MYH3: variants seen among roughly 807,000 people sequenced by gnomAD.
MYH3 encodes the protein myosin heavy chain 3.
MYH3 carries 130 observed loss-of-function variants against 238.0 expected under a neutral mutation model. The ratio of observed to expected loss-of-function variants is 0.55; its 90% confidence interval spans 0.47 to 0.63. The LOEUF is 0.63. MYH3 is among the 30% of genes least tolerant of loss of function. The pLI, the probability that MYH3 is intolerant of heterozygous loss-of-function variation, is 0.00. For missense variants in MYH3, 1,853 were observed against 2,374.9 expected, an observed-to-expected ratio of 0.78 and a Z score of 4.57; for synonymous variants, 880 against 924.1, an observed-to-expected ratio of 0.95 and a Z score of 0.86.
rs1253380402 is a variant in MYH3, at chr17:10,654,319, C to T, written c.204+542G>A. 6.6e-6 allele frequency among the ~76,000 whole-genome samples: 1 copy of T among 151,998 alleles called. No individual in the cohort carries two copies. Among genetic ancestry groups the T allele is most frequent in the East Asian group, 1.9e-4 (1 of 5,166 alleles). ...GATGTGGATTTTAGAAACTAGTGAG[C>T]TCCAGAATTCCTCGCAGCACCCCCA... On this transcript the variant is annotated intron_variant, in intron 3 of 40. Transcript: ENST00000583535. This position sits in a 1 kb window ranked among gnomAD's most constrained non-coding sequence, Gnocchi z 4.5.
Position 10,640,672 on chromosome 17 carries a change from T to C in MYH3, c.2180A>G (p.Asn727Ser). ...TTGTCCCTCAGGGATTGCACTGGCA[T>C]TCAGCACTCGGTATCTGCATTGTAG... ...GDFKQRYRVL[N>S]ASAIPEGQFI... Residue 727 changes from asparagine to serine, a missense_variant, in exon 20 of 41, where the codon AAT (asparagine) becomes AGT (serine). This residue lies in a region of MYH3 where 678 missense variants were observed against 1,058.9 expected (regional missense o/e 0.64). Transcript: ENST00000583535. 6.2e-7 allele frequency: 1 copy of C among 1,614,222 alleles called. No individual in the cohort carries two copies. The highest frequency in any genetic ancestry group is 8.5e-7 in the Non-Finnish European group (1 of 1,180,036).
chr17:10,673,442 C>G, the MYH3 span: 3 of 152,248 alleles, frequency 2.0e-5, no homozygotes, highest in Admixed American at 6.5e-5. Context: ...GAGGCTGGTA[C>G]AGGGAAAAGT....
chr17:10,644,594 G>A lies in MYH3; in HGVS notation c.1250C>T (p.Thr417Ile), dbSNP rs979586656. The A allele has an allele frequency of 1.9e-6, 3 of 1,614,056 alleles. No homozygotes were observed. Among genetic ancestry groups the A allele is most frequent in the Non-Finnish European group, 2.5e-6 (3 of 1,179,860 alleles). The change falls in exon 13 of 41, where the codon ACT (threonine) becomes ATT (isoleucine). Residue 417 changes from threonine to isoleucine, a missense_variant. Thr to Ile is a moderately conservative substitution (Grantham distance 89). Coordinates refer to ENST00000583535, the MANE Select transcript of MYH3 (RefSeq NM_002470.4). ...CCTTGAAGCTGTTACCTGATCCACA[G>A]TTTGACCTTTGGTAACGTACTCATT... Reference protein sequence around the residue: ...VGNEYVTKGQTVDQVHHAVNA... With the variant: ...VGNEYVTKGQIVDQVHHAVNA...
Position 10,631,843 on chromosome 17 carries a change from G to A in MYH3, c.5130C>T (p.Ser1710=), listed in dbSNP as rs373468193. 9.9e-6 allele frequency: 16 copies of A among 1,614,018 alleles called. No homozygotes were observed. Among genetic ancestry groups the A allele is most frequent in the Non-Finnish European group, 1.3e-5 (15 of 1,180,042 alleles). ...TATGCAGCAGCTGCACCCTCTCGTT[G>A]GAGTCCAGGAGCTCCTGTTCCGCCA... ...RKLAEQELLD[S]NERVQLLHTQ... The change falls in exon 35 of 41, where the codon TCC becomes TCT. Residue 1710 remains serine, a synonymous_variant. Transcript: ENST00000583535.
At chr17:10,676,624 C>T in the MYH3 span, 1 of 152,198 alleles carries the variant, frequency 6.6e-6, no homozygotes, top group Non-Finnish European at 1.5e-5. Flanking sequence ...TAAATACCCA[C>T]ATCAATGTTC....
At chr17:10,658,745 C>T (rs1255136282), upstream of MYH3, 1 of 152,306 alleles carries the variant, frequency 6.6e-6, no homozygotes, top group Non-Finnish European at 1.5e-5. Context: ...TTGCCCCCAC[C>T]CACTGCCCCT....
intron 38 of MYH3, 40 bp downstream of exon 38, chr17:10,630,052 G>A (rs375925989): frequency 3.2e-5 from 51 of 1,606,904 alleles, no homozygotes; most frequent in Non-Finnish European, 3.9e-5. Flanking sequence ...GAATCTGCAC[G>A]TCACAGAGGA....
In MYH3 at chr17:10,632,845, C is replaced by A. The variant is rs1229530588; in HGVS notation, c.4648-61G>T. 5.2e-6 allele frequency: 8 copies of A among 1,539,082 alleles called. No homozygotes were observed. The African/African-American group carries it at 1.1e-4, about 21-fold the overall frequency. ...GATGGTATGGAGCCAGCTCCACTACCCTGCAGGATAACAAAACTTCAATGG... is the reference window on the plus strand; with the variant it reads ...GATGGTATGGAGCCAGCTCCACTACACTGCAGGATAACAAAACTTCAATGG... On this transcript the variant is annotated intron_variant, in intron 33 of 40. Transcript: ENST00000583535.
Position 10,631,870 on chromosome 17 carries a change from T to G in MYH3, c.5103A>C (p.Lys1701Asn), listed in dbSNP as rs1188200228. 5.6e-6 allele frequency: 9 copies of G among 1,614,148 alleles called. No individual in the cohort carries two copies. Among genetic ancestry groups the G allele is most frequent in the Non-Finnish European group, 7.6e-6 (9 of 1,180,024 alleles). ...ATLEQTERAR[K>N]LAEQELLDSN... ...AGTCCAGGAGCTCCTGTTCCGCCAGTTTCCGGGCCCTCTCCGTCTGCTCCA... is the reference window on the plus strand; with the variant it reads ...AGTCCAGGAGCTCCTGTTCCGCCAGGTTCCGGGCCCTCTCCGTCTGCTCCA... The change falls in exon 35 of 41, where the codon AAA becomes AAC. Residue 1701 changes from lysine (K) to asparagine (N), a missense_variant. Physicochemically the swap from Lys to Asn is moderately conservative, Grantham distance 94. Coordinates refer to ENST00000583535, the MANE Select transcript of MYH3 (RefSeq NM_002470.4).
the MYH3 span, among the ~76,000 whole-genome samples, chr17:10,663,279 T>A: frequency 2.0e-5 from 3 of 152,082 alleles, no homozygotes; most frequent in Non-Finnish European, 2.9e-5. Context: ...CCAAATGAAC[T>A]GTATGGTACA....
chr17:10,639,331 T>A lies in MYH3; in HGVS notation c.3069A>T (p.Lys1023Asn). 1 of 1,614,168 alleles carries A rather than the reference T, an allele frequency of 6.2e-7. No individual in the cohort carries two copies. Among genetic ancestry groups the A allele is most frequent in the African/African-American group, 1.3e-5 (1 of 75,042 alleles). Residue 1023 changes from lysine (K) to asparagine (N), a missense_variant, in exon 24 of 41, where the codon AAA (lysine) becomes AAT (asparagine). Around this residue, in one of 3 missense-constraint regions of MYH3, gnomAD observed 1,044 missense variants for 1,192.6 expected, o/e 0.88. Coordinates refer to ENST00000583535, the MANE Select transcript of MYH3 (RefSeq NM_002470.4). ...CTTGCTGTTCCAGTTTGCTCTTGGT[T>A]TTGTTCAAAGAATTGACTTTGTCTT... ...AEEDKVNSLN[K>N]TKSKLEQQVE... is the part of the protein sequence containing the mutation.
intron 8 of MYH3, among the ~76,000 whole-genome samples, chr17:10,647,764 C>T (rs1480127481): frequency 6.6e-6 from 1 of 152,084 alleles, no homozygotes; most frequent in East Asian, 1.9e-4. Flanking sequence ...AGGATGGTCT[C>T]GATCTCTTGA....
chr17:10,674,387 C>G, the MYH3 span: 2 of 243,288 alleles, frequency 8.2e-6, no homozygotes, highest in Non-Finnish European at 1.6e-5. Context: ...GATCGCACCA[C>G]TGCTCTCCAG....
Position 10,637,805 on chromosome 17 carries a change from T to C in MYH3, c.3856+4A>G. 2 of 1,614,042 alleles carry C rather than the reference T, an allele frequency of 1.2e-6. No individual in the cohort carries two copies. The highest frequency in any genetic ancestry group is 1.7e-6 in the Non-Finnish European group (2 of 1,180,030). On this transcript the variant is annotated splice_donor_region_variant and intron_variant, in intron 28 of 40. Transcript: ENST00000583535. ...GCCCCACGGGTTTTCTGCACGTGGC[T>C]TACCAGCCTCGGTCTGCAAACGAGA...
chr17:10,647,498 A>G (rs1179430135), intron 8 of MYH3, 72 bp from the exon 9 acceptor site: 1 of 1,526,272 alleles, frequency 6.6e-7, no homozygotes, highest in African/African-American at 1.4e-5. Context: ...TCTTATGGGT[A>G]ATTTGAGTAG....
Position 10,641,342 on chromosome 17 carries a change from T to C in MYH3, c.1990A>G (p.Arg664Gly). The change falls in exon 18 of 41, where the codon AGA becomes GGA. Residue 664 changes from arginine to glycine, a missense_variant. Arg to Gly is a moderately radical substitution (Grantham distance 125, BLOSUM62 -2). Around this residue, in one of 3 missense-constraint regions of MYH3, gnomAD observed 678 missense variants for 1,058.9 expected, o/e 0.64. Coordinates refer to ENST00000583535, the MANE Select transcript of MYH3 (RefSeq NM_002470.4). ...CGCACAAAATGAGGGTGAGTAGTTC[T>C]TAAATTTGACATCAGCTTGTTCAGG... ...ENLNKLMSNL[R>G]TTHPHFVRCI... 6.2e-7 allele frequency: 1 copy of C among 1,612,590 alleles called. No individual in the cohort carries two copies. Among genetic ancestry groups the C allele is most frequent in the South Asian group, 1.1e-5 (1 of 91,010 alleles).
At chr17:10,670,761 C>T in the MYH3 span, among the ~76,000 whole-genome samples, 52 of 151,510 alleles carry the variant, frequency 3.4e-4, no homozygotes, top group South Asian at 6.0e-3. The surrounding 1 kb of genome is among the most constrained non-coding windows in gnomAD (Gnocchi z 7.0). Flanking sequence ...CAAACTTCTA[C>T]GGCTTACTTG....
Position 10,638,347 on chromosome 17 carries a change from C to T in MYH3, c.3425G>A (p.Arg1142Gln), listed in dbSNP as rs2074236681. The T allele has an allele frequency of 5.0e-6, 8 of 1,609,730 alleles. No homozygotes were observed. The highest frequency in any genetic ancestry group is 5.1e-6 in the Non-Finnish European group (6 of 1,179,980). ...KTEKQRSDYA[R>Q]ELEELSERLE... The stretch of plus-strand genomic sequence containing the variant: ...CCGCTCGCTCAGCTCCTCCAGCTCC[C>T]GGGCATAGTCGCTGCGCTGTTTCTC... The change falls in exon 27 of 41, where the codon CGG (arginine) becomes CAG (glutamine). Residue 1142 changes from arginine (R) to glutamine (Q), a missense_variant. Around this residue, in one of 3 missense-constraint regions of MYH3, gnomAD observed 1,044 missense variants for 1,192.6 expected, o/e 0.88. Coordinates refer to ENST00000583535, the MANE Select transcript of MYH3 (RefSeq NM_002470.4).
chr17:10,660,994 G>A (rs1220337530), upstream of MYH3, among the ~76,000 whole-genome samples: 42 of 142,142 alleles, frequency 3.0e-4, no homozygotes, highest in African/African-American at 1.1e-3. Flanking sequence ...TTTTTTTTTT[G>A]AGACAGAGTT....
Sources: gnomAD v4.1 joint callset for allele counts (sites outside exome capture counted in the v4.1 genomes callset) on GRCh38, gnomAD v4.1.1 for gene constraint, gnomAD v4.1.1 regional missense constraint, Gnocchi (gnomAD v3.1) non-coding constraint, MANE v1.5 for transcripts, NCBI Gene and HGNC (gene_info 2026-07-23, HGNC 2026-07-21) for gene names.